The following EXTL3 variants were observed in gnomAD, a reference collection of about 807,000 sequenced individuals.
EXTL3 encodes the protein exostosin-like 3.
EXTL3 carries 27 observed loss-of-function variants against 69.3 expected under a neutral mutation model. That is an observed-to-expected ratio of 0.39 (90% CI 0.29 to 0.54). EXTL3 has a LOEUF of 0.54. Ranked by LOEUF, EXTL3 falls within the 20% of genes least tolerant of loss-of-function variation. The pLI is 0.69. For missense variants in EXTL3, 1,003 were observed against 1,231.8 expected, an observed-to-expected ratio of 0.81 and a Z score of 2.78; for synonymous variants, 511 against 499.4, an observed-to-expected ratio of 1.02 and a Z score of -0.31.
chr8:28,641,989 C>T (rs894685525), intron 1 of EXTL3, among the ~76,000 whole-genome samples: 1 of 152,084 alleles, frequency 6.6e-6, no homozygotes, highest in African/African-American at 2.4e-5. Flanking sequence ...GTGCCCAACA[C>T]CACGCCCAGC....
chr8:28,684,973 A>G (rs1490679313), intron 1 of EXTL3, among the ~76,000 whole-genome samples: 1 of 79,590 alleles, frequency 1.3e-5, no homozygotes, highest in Non-Finnish European at 2.8e-5. Flanking sequence ...TTTTTCTGAG[A>G]TGGAGTCTTG....
At chr8:28,706,059 A>G (rs909796714) in intron 1 of EXTL3, among the ~76,000 whole-genome samples, 30 of 152,148 alleles carry the variant, frequency 2.0e-4, no homozygotes, top group African/African-American at 6.8e-4. Context: ...TTTTCATTTT[A>G]TTTAAAACCA....
chr8:28,672,927 A>T (rs1807320757), intron 1 of EXTL3, among the ~76,000 whole-genome samples: 1 of 152,040 alleles, frequency 6.6e-6, no homozygotes, highest in South Asian at 2.1e-4. Flanking sequence ...GCAGTTCTTG[A>T]GATAGAGAGA....
At chr8:28,609,020 A>G (rs1424364398) in intron 2 of EXTL3, among the ~76,000 whole-genome samples, 1 of 152,152 alleles carries the variant, frequency 6.6e-6, no homozygotes, top group African/African-American at 2.4e-5. Flanking sequence ...AGATTGTGCC[A>G]TTAGGCTGAG....
intron 1 of EXTL3, among the ~76,000 whole-genome samples, chr8:28,644,732 C>G (rs1165307854): frequency 6.6e-6 from 1 of 152,126 alleles, no homozygotes; most frequent in Non-Finnish European, 1.5e-5. Context: ...CGTTATGATT[C>G]CTTGCTTCAA....
At chr8:28,727,672 C>T (rs745445506) in intron 3 of EXTL3, among the ~76,000 whole-genome samples, 2 of 152,150 alleles carry the variant, frequency 1.3e-5, no homozygotes, top group Non-Finnish European at 2.9e-5. Flanking sequence ...GGCATTCACA[C>T]GTCTAGTAAG....
At chr8:28,702,139 C>T (rs1009859637) in intron 1 of EXTL3, among the ~76,000 whole-genome samples, 5 of 152,220 alleles carry the variant, frequency 3.3e-5, no homozygotes, top group Non-Finnish European at 7.3e-5. Flanking sequence ...CCACCCCTTC[C>T]CGAGCACACC....
chr8:28,665,792 G>A (rs1461675012), intron 1 of EXTL3, among the ~76,000 whole-genome samples: 3 of 152,088 alleles, frequency 2.0e-5, no homozygotes, highest in East Asian at 1.9e-4. Context: ...TACCAAGTAC[G>A]CTTTTTTATT....
chr8:28,725,702 G>T (rs1169348433), intron 3 of EXTL3, among the ~76,000 whole-genome samples: 1 of 152,160 alleles, frequency 6.6e-6, no homozygotes, highest in Non-Finnish European at 1.5e-5. Flanking sequence ...GAGTCTTCCT[G>T]TTTGCAAGTT....
chr8:28,609,124 C>T (rs1216200859), intron 2 of EXTL3, among the ~76,000 whole-genome samples: 2 of 140,076 alleles, frequency 1.4e-5, no homozygotes, highest in Non-Finnish European at 3.2e-5. Context: ...CTGAGCTTGA[C>T]ACATTTGAGG....
At chr8:28,702,566 C>T (rs894245567) in intron 1 of EXTL3, among the ~76,000 whole-genome samples, 1 of 144,748 alleles carries the variant, frequency 6.9e-6, no homozygotes, top group African/African-American at 2.6e-5. Context: ...TCCCCCGCCA[C>T]CCGCACCACC....
At chr8:28,618,848 G>A (rs1006136674), upstream of EXTL3, among the ~76,000 whole-genome samples, 12 of 152,088 alleles carry the variant, frequency 7.9e-5, 2 homozygotes, top group South Asian at 2.3e-3. Flanking sequence ...ACTTTGGGAG[G>A]CTGAGGCTGG....
At chr8:28,630,068 C>T (rs1806550030) in intron 1 of EXTL3, among the ~76,000 whole-genome samples, 1 of 152,058 alleles carries the variant, frequency 6.6e-6, no homozygotes, top group Non-Finnish European at 1.5e-5. Context: ...TATGGTTTGG[C>T]TATGTCCCCA....
rs1801993698 is a variant in EXTL3 at position 28,751,092 on chromosome 8, T to C, written c.*226T>C. 1 of 572,372 alleles carries C rather than the reference T, an allele frequency of 1.7e-6. No homozygotes were observed. Among genetic ancestry groups the C allele is most frequent in the African/African-American group, 1.9e-5 (1 of 53,394 alleles). The allele number at this position is 572,372 out of a possible 1,614,324, so 35.5% of individuals were successfully genotyped here. On this transcript the variant is annotated 3_prime_UTR_variant, in exon 7 of 7. Coordinates refer to ENST00000220562, the MANE Select transcript of EXTL3 (RefSeq NM_001440.4). The stretch of plus-strand genomic sequence containing the variant: ...CCCCGGGGTTCCCCACACAGGGCAC[T>C]GACTGATAGCTTACACTGAGGACTG...
At chr8:28,630,884 A>C (rs1461063917) in intron 1 of EXTL3, among the ~76,000 whole-genome samples, 4 of 152,234 alleles carry the variant, frequency 2.6e-5, no homozygotes, top group South Asian at 2.1e-4. Flanking sequence ...AGAAAGAAGG[A>C]AGGCATGTCA....
upstream of EXTL3, among the ~76,000 whole-genome samples, chr8:28,618,041 T>C (rs1806350610): frequency 6.6e-6 from 1 of 152,086 alleles, no homozygotes; most frequent in South Asian, 2.1e-4. Flanking sequence ...ATCTTATGGG[T>C]GATGACAAGC....
chr8:28,723,629 G>T (rs905355588), intron 3 of EXTL3, among the ~76,000 whole-genome samples: 3 of 149,990 alleles, frequency 2.0e-5, no homozygotes, highest in African/African-American at 4.9e-5. Flanking sequence ...TTAGAATGAG[G>T]GCTCAGGACT....
intron 1 of EXTL3, among the ~76,000 whole-genome samples, chr8:28,639,466 T>G (rs1339339868): frequency 6.6e-6 from 1 of 152,208 alleles, no homozygotes; most frequent in Non-Finnish European, 1.5e-5. Flanking sequence ...TCTGGTCCCA[T>G]CCCTTCGATA....
intron 1 of EXTL3, among the ~76,000 whole-genome samples, chr8:28,657,689 TA>T (rs1030667236): frequency 6.7e-5 from 10 of 149,680 alleles, no homozygotes; most frequent in South Asian, 2.1e-4. Flanking sequence ...TGTGCTTATT[TA>T]AAAAAAAAAT....
Sources: gnomAD v4.1 joint callset for allele counts (sites outside exome capture counted in the v4.1 genomes callset) on GRCh38, gnomAD v4.1.1 for gene constraint, MANE v1.5 for transcripts, NCBI Gene and HGNC (gene_info 2026-07-23, HGNC 2026-07-21) for gene names.